The following PIGN variants were observed in gnomAD, a reference collection of about 807,000 sequenced individuals.
PIGN encodes GPI ethanolamine phosphate transferase 1.
In PIGN, 117 loss-of-function variants were observed where a neutral mutation model predicts 125.4. The ratio of observed to expected loss-of-function variants is 0.93; its 90% CI spans 0.80 to 1.09. The LOEUF is 1.09. Ranked by LOEUF, PIGN falls within the 50% of genes least tolerant of loss-of-function variation. PIGN has a pLI of 0.00. For synonymous variants in PIGN, 392 were observed against 377.8 expected (o/e 1.04, Z -0.44); for missense variants, 1,075 against 1,094.9 (o/e 0.98, Z 0.26).
chr18:62,167,028 T>C (rs962885834), intron 1 of PIGN, among the ~76,000 whole-genome samples: 1 of 152,218 alleles, frequency 6.6e-6, no homozygotes, highest in Non-Finnish European at 1.5e-5. Flanking sequence ...GTAACAAACC[T>C]GTGCATTCTG....
downstream of PIGN, among the ~76,000 whole-genome samples, chr18:62,037,991 G>C (rs1352429811): frequency 6.6e-6 from 1 of 152,112 alleles, no homozygotes; most frequent in African/African-American, 2.4e-5. Flanking sequence ...ATTTTGTTTT[G>C]GAGGAATGAA....
chr18:62,096,516 CTTTTTTTTTTTT>C (rs398033140), intron 22 of PIGN, among the ~76,000 whole-genome samples: 6 of 85,668 alleles, frequency 7.0e-5, no homozygotes, highest in Non-Finnish European at 1.2e-4. Flanking sequence ...GAATTATTTT[CTTTTTTTTTTTT>C]TTTTTTTTTT....
rs568788237 is a variant in PIGN at position 62,096,343 on chromosome 18, T to G, written c.2078-393A>C. ...GCTCTGAATAATCTAGTATCATTTA[T>G]GGCATTTATTGTTTTGTGACCTTGA... On this transcript the variant is annotated intron_variant, in intron 22 of 30. Transcript: ENST00000640252. Among the ~76,000 whole-genome samples the G allele has an allele frequency of 3.0e-4, 46 of 152,092 alleles. No individual in the cohort carries two copies. The East Asian group carries it at 8.5e-3, about 28-fold the overall frequency.
At chr18:62,114,347 G>A (rs1419336963) in intron 15 of PIGN, among the ~76,000 whole-genome samples, 1 of 145,770 alleles carries the variant, frequency 6.9e-6, no homozygotes, top group Non-Finnish European at 1.5e-5. Flanking sequence ...GGGCAACAGC[G>A]ACACTCTGTC....
At chr18:62,132,833 A>G (rs1023544464) in intron 14 of PIGN, among the ~76,000 whole-genome samples, 2 of 151,950 alleles carry the variant, frequency 1.3e-5, no homozygotes, top group Non-Finnish European at 2.9e-5. Flanking sequence ...TGTGAATGAA[A>G]TGAGGTTACA....
At chr18:62,099,620 T>C (rs1332956281) in intron 22 of PIGN, among the ~76,000 whole-genome samples, 1 of 151,990 alleles carries the variant, frequency 6.6e-6, no homozygotes, top group East Asian at 1.9e-4. Context: ...AACAGACACA[T>C]AGATGAATGG....
intron 14 of PIGN, among the ~76,000 whole-genome samples, chr18:62,129,166 C>T (rs767078378): frequency 2.0e-5 from 3 of 152,090 alleles, no homozygotes; most frequent in Admixed American, 6.6e-5. Flanking sequence ...TTTCTCTAGT[C>T]GCATCATCCT....
chr18:62,134,261 C>T (rs1346901768), intron 14 of PIGN, among the ~76,000 whole-genome samples: 1 of 151,974 alleles, frequency 6.6e-6, no homozygotes, highest in Non-Finnish European at 1.5e-5. Context: ...GGCGTGGTGG[C>T]GTGCTTGTAA....
At chr18:62,127,156 T>C (rs2035564301) in intron 14 of PIGN, among the ~76,000 whole-genome samples, 1 of 152,146 alleles carries the variant, frequency 6.6e-6, no homozygotes, top group African/African-American at 2.4e-5. Context: ...TTCAGTTTCC[T>C]CATGTGAAAA....
intron 14 of PIGN, chr18:62,135,910 G>A (rs1428119220): frequency 6.6e-6 from 1 of 152,076 alleles, no homozygotes; most frequent in African/African-American, 2.4e-5. Context: ...AACAGCCGGT[G>A]TATTTTCTTC....
intron 28 of PIGN, among the ~76,000 whole-genome samples, chr18:62,076,471 G>A (rs549544113): frequency 6.6e-6 from 1 of 151,784 alleles, no homozygotes; most frequent in South Asian, 2.1e-4. Flanking sequence ...TCTTACTAGA[G>A]TCTTTCACAG....
At chr18:62,115,885 G>GGA (rs2035068574) in intron 14 of PIGN, among the ~76,000 whole-genome samples, 1 of 152,090 alleles carries the variant, frequency 6.6e-6, no homozygotes, top group Non-Finnish European at 1.5e-5. Flanking sequence ...GACCGAGGTA[G>GGA]GAGGATCACT....
At chr18:62,175,966 A>G (rs1225664837) in intron 1 of PIGN, among the ~76,000 whole-genome samples, 2 of 168 alleles carry the variant, frequency 0.012, no homozygotes, top group African/African-American at 0.04. Context: ...TAGCTAATTA[A>G]TCTTTCAATT....
intron 1 of PIGN, among the ~76,000 whole-genome samples, chr18:62,172,954 A>G (rs939203167): frequency 1.3e-5 from 2 of 152,196 alleles, no homozygotes; most frequent in African/African-American, 2.4e-5. Context: ...AGACTCCCCA[A>G]TGACACCATA....
chr18:62,049,461 G>A (rs1257005702), intron 30 of PIGN, among the ~76,000 whole-genome samples: 247 of 151,886 alleles, frequency 1.6e-3, no homozygotes, highest in African/African-American at 4.2e-3. Flanking sequence ...CAGTGATGGT[G>A]AGCATTTTTT....
chr18:62,074,349 G>A (rs562245177), intron 29 of PIGN, among the ~76,000 whole-genome samples: 14 of 152,266 alleles, frequency 9.2e-5, no homozygotes, highest in African/African-American at 1.9e-4. Flanking sequence ...TTGCAGCTAC[G>A]TCTTGATTAA....
Position 62,058,264 on chromosome 18 carries a change from G to C in PIGN, c.2673-12285C>G, listed in dbSNP as rs2031873330. Among the ~76,000 whole-genome samples, 3 of 152,148 alleles carry C rather than the reference G, an allele frequency of 2.0e-5. No individual in the cohort carries two copies. The South Asian group carries it at 6.2e-4, about 31-fold the overall frequency. The stretch of plus-strand genomic sequence containing the variant: ...TTGTTTGTTGTGGAATGTTTAATCT[G>C]TAACATTTATATATTAATTAGGTAT... On this transcript the variant is annotated intron_variant, in intron 30 of 30. Coordinates refer to ENST00000640252, the MANE Select transcript of PIGN (RefSeq NM_176787.5).
intron 12 of PIGN, 47 bp downstream of exon 12, chr18:62,140,373 T>C (rs765215067): frequency 5.0e-5 from 42 of 845,132 alleles, no homozygotes; most frequent in Middle Eastern, 4.7e-4. Context: ...TACTGTGCGA[T>C]AGTTTTTTTT....
At chr18:62,129,270 G>T (rs984509923) in intron 14 of PIGN, among the ~76,000 whole-genome samples, 4 of 152,280 alleles carry the variant, frequency 2.6e-5, no homozygotes, top group Middle Eastern at 3.4e-3. Context: ...AGAGAGCTGA[G>T]TCTCTTGTTA....
Sources: allele counts gnomAD v4.1 joint callset (sites outside exome capture counted in the v4.1 genomes callset), GRCh38; gene constraint gnomAD v4.1.1; transcripts MANE v1.5; gene names NCBI Gene and HGNC (gene_info 2026-07-23, HGNC 2026-07-21).